OPN3: variants seen among roughly 807,000 people sequenced by gnomAD.
OPN3 encodes opsin 3, also known as opsin-3.
OPN3 carries 29 observed loss-of-function variants against 33.8 expected under a neutral mutation model. The ratio of observed to expected loss-of-function variants is 0.86; its 90% CI spans 0.64 to 1.17. The LOEUF (loss-of-function observed/expected upper bound fraction) is 1.17. Ranked by LOEUF, OPN3 falls within the 50% of genes most tolerant of loss-of-function variation. The probability of loss-of-function intolerance (pLI) is 0.00; values close to 1 mark genes in which losing one functional copy is unlikely to be tolerated. For synonymous variants in OPN3, 216 were observed against 216.1 expected (o/e 1.00, Z 0.00); for missense variants, 437 against 514.1 (o/e 0.85, Z 1.45).
chr1:241,604,716 G>C (rs1663779919), intron 1 of OPN3, 137 bp from the exon 2 acceptor site: 2 of 755,798 alleles, frequency 2.6e-6, no homozygotes, highest in Admixed American at 5.8e-5. Context: ...AAGAGTAATA[G>C]TGTCTATAGT....
At chr1:241,605,901 A>AT (rs368246206) in intron 1 of OPN3, among the ~76,000 whole-genome samples, 12 of 152,194 alleles carry the variant, frequency 7.9e-5, no homozygotes, top group African/African-American at 2.2e-4. Context: ...TGTTATTTTA[A>AT]TTTTTTTTAT....
At chr1:241,625,841 G>T (rs1664406779) in intron 1 of OPN3, among the ~76,000 whole-genome samples, 1 of 152,130 alleles carries the variant, frequency 6.6e-6, no homozygotes, top group African/African-American at 2.4e-5. Context: ...GATATTTGGG[G>T]CTGGATAATT....
chr1:241,612,551 A>G (rs1664024717), intron 1 of OPN3, among the ~76,000 whole-genome samples: 1 of 152,202 alleles, frequency 6.6e-6, no homozygotes, highest in Non-Finnish European at 1.5e-5. Context: ...CCTGTGGTAC[A>G]TTCAGCATGG....
chr1:241,640,040 A>G lies in OPN3; in HGVS notation c.215T>C (p.Leu72Pro), dbSNP rs767035246. Residue 72 changes from leucine to proline, a missense_variant, in exon 1 of 4, where the codon CTC (leucine) becomes CCC (proline). Coordinates refer to ENST00000366554, the MANE Select transcript of OPN3 (RefSeq NM_014322.3). ...VLVLYYKFQR[L>P]RTPTHLLLVN... ...CAGGAGGAGGTGAGTGGGAGTGCGG[A>G]GCCGCTGGAACTTGTAGTAGAGGAC... 6.2e-7 allele frequency: 1 copy of G among 1,613,178 alleles called. No individual in the cohort carries two copies. The highest frequency in any genetic ancestry group is 8.5e-7 in the Non-Finnish European group (1 of 1,179,656).
intron 1 of OPN3, chr1:241,635,010 C>A: frequency 6.2e-7 from 1 of 1,613,494 alleles, no homozygotes. Flanking sequence ...TAACGACTAA[C>A]ATCTGATTTG....
Position 241,594,546 on chromosome 1 carries a change from ACTT to A in OPN3, c.1088_1090del (p.Lys363_Val364delinsMet). 1 of 1,614,136 alleles carries A rather than the reference ACTT, an allele frequency of 6.2e-7. No individual in the cohort carries two copies. Among genetic ancestry groups the A allele is most frequent in the Non-Finnish European group, 8.5e-7 (1 of 1,179,984 alleles). ...AATGATGGAAGAAGAGTTGAAAGTC[ACTT>A]TTTTCTTTGGCCTGTCCCCATCTTT... On this transcript the variant is annotated inframe_deletion, in exon 4 of 4. Transcript: ENST00000366554.
In OPN3 at chr1:241,594,763, A is replaced by G. The variant is rs904647902; in HGVS notation, c.946-72T>C. 2.0e-6 allele frequency: 3 copies of G among 1,533,440 alleles called. No homozygotes were observed. The African/African-American group carries it at 4.1e-5, about 21-fold the overall frequency. The allele number at this position is 1,533,440 out of a possible 1,614,324, so 95.0% of individuals were successfully genotyped here. A position where few individuals can be genotyped will look rare whatever the true frequency, so the allele number is the denominator to read the frequency against. On this transcript the variant is annotated intron_variant, in intron 3 of 3. Coordinates refer to ENST00000366554, the MANE Select transcript of OPN3 (RefSeq NM_014322.3). ...CTAATCTGGATTAACATTCGAGGAA[A>G]TCAGTTGAGCTGAATTTAAGTTGTT...
intron 1 of OPN3, chr1:241,630,875 A>C (rs1017459931): frequency 8.5e-5 from 13 of 152,124 alleles, no homozygotes; most frequent in Admixed American, 5.9e-4. Context: ...GTTCTGCTTA[A>C]CACCAGCCTT....
Position 241,640,363 on chromosome 1 carries a change from G to A in OPN3, c.-109C>T. 1 of 1,020,936 alleles carries A rather than the reference G, an allele frequency of 9.8e-7. No individual in the cohort carries two copies. The highest frequency in any genetic ancestry group is 4.7e-5 in the South Asian group (1 of 21,426). 63.2% of individuals were successfully genotyped at this position (1,020,936 alleles called of 1,614,324 possible). On this transcript the variant is annotated 5_prime_UTR_variant, in exon 1 of 4. Coordinates refer to ENST00000366554, the MANE Select transcript of OPN3 (RefSeq NM_014322.3). ...GGCTCCGCCGCCTGCTCTAGCCATTGTGCACTGAGGGGCCCGCGCTACCGC... is the reference window on the plus strand; with the variant it reads ...GGCTCCGCCGCCTGCTCTAGCCATTATGCACTGAGGGGCCCGCGCTACCGC...
intron 1 of OPN3, among the ~76,000 whole-genome samples, chr1:241,614,860 T>TTTCTGCCTATAGTCCCG (rs1233292618): frequency 2.0e-5 from 3 of 151,666 alleles, no homozygotes; most frequent in East Asian, 1.9e-4. Context: ...GCCTTAGACT[T>TTTCTGCCTATAGTCCCG]TTTGACTTGC....
chr1:241,615,207 A>T, intron 1 of OPN3, among the ~76,000 whole-genome samples: 1 of 24,758 alleles, frequency 4.0e-5, no homozygotes, highest in Admixed American at 5.3e-4. Context: ...CCAAAGTCTA[A>T]AAAAAAAAAA....
At chr1:241,638,412 G>C (rs551085003) in intron 1 of OPN3, among the ~76,000 whole-genome samples, 48 of 152,244 alleles carry the variant, frequency 3.2e-4, no homozygotes, top group African/African-American at 1.1e-3. Context: ...CACGAAAACA[G>C]AATTTTCCAG....
intron 1 of OPN3, among the ~76,000 whole-genome samples, chr1:241,639,016 C>T (rs1665009339): frequency 1.3e-5 from 2 of 152,212 alleles, no homozygotes; most frequent in East Asian, 1.9e-4. Flanking sequence ...TTCCTTTCTA[C>T]GCTTCCTTCA....
chr1:241,623,783 G>C (rs1308434366), intron 1 of OPN3, among the ~76,000 whole-genome samples: 1 of 152,044 alleles, frequency 6.6e-6, no homozygotes, highest in Non-Finnish European at 1.5e-5. Flanking sequence ...CCCTATCCAG[G>C]CCTTATCACA....
chr1:241,610,539 C>T (rs1663962768), intron 1 of OPN3, among the ~76,000 whole-genome samples: 2 of 152,146 alleles, frequency 1.3e-5, no homozygotes, highest in Non-Finnish European at 1.5e-5. Context: ...CTACTCTGTG[C>T]ATCAGTTTGA....
At position 241,640,290 on chromosome 1, in the gene OPN3, T is replaced by A; in HGVS notation, c.-36A>T. 8.7e-7 allele frequency: 1 copy of A among 1,146,960 alleles called. No homozygotes were observed. The highest frequency in any genetic ancestry group is 1.1e-6 in the Non-Finnish European group (1 of 936,584). The allele number at this position is 1,146,960 out of a possible 1,614,324, so 71.0% of individuals were successfully genotyped here. On this transcript the variant is annotated 5_prime_UTR_variant, in exon 1 of 4. It removes the in-frame stop codon of an upstream open reading frame in the 5' UTR. Transcript: ENST00000366554. ...CGGCGCGCCTGGCGGGCGGAGGCGC[T>A]CAGCTTGCGGCGGGGCTCGCGGCGC...
chr1:241,603,803 T>C (rs1663743410), intron 2 of OPN3, among the ~76,000 whole-genome samples: 1 of 152,226 alleles, frequency 6.6e-6, no homozygotes, highest in South Asian at 2.1e-4. Flanking sequence ...TGGAAAGTTC[T>C]TGTTGGCACC....
chr1:241,617,933 A>G (rs909577453), intron 1 of OPN3, among the ~76,000 whole-genome samples: 1 of 152,210 alleles, frequency 6.6e-6, no homozygotes, highest in Non-Finnish European at 1.5e-5. Context: ...CAATCTGGAC[A>G]GGCAAGAAAA....
chr1:241,634,223 G>C, intron 1 of OPN3: 1 of 1,613,896 alleles, frequency 6.2e-7, no homozygotes, highest in Non-Finnish European at 8.5e-7. Context: ...TGCTGTTTTA[G>C]AAGATGAACA....
Sources: gnomAD v4.1 joint callset for allele counts (sites outside exome capture counted in the v4.1 genomes callset) on GRCh38, gnomAD v4.1.1 for gene constraint, MANE v1.5 for transcripts, NCBI Gene and HGNC (gene_info 2026-07-23, HGNC 2026-07-21) for gene names.